Variants in SLC6A14 observed in about 807,000 individuals in gnomAD.
The protein encoded by SLC6A14 is sodium- and chloride-dependent neutral and basic amino acid transporter B(0+).
In SLC6A14, 21 loss-of-function variants were observed where a neutral mutation model predicts 51.4. The observed-to-expected ratio is 0.41, with a 90% CI of 0.29 to 0.59. The LOEUF is 0.59. Among genes scored for constraint, SLC6A14 ranks in the 20% least tolerant of loss-of-function variants. The pLI, the probability that SLC6A14 is intolerant of heterozygous loss-of-function variation, is 0.31. For synonymous variants in SLC6A14, 177 were observed against 160.7 expected (o/e 1.10, Z -0.77); for missense variants, 371 against 472.8 (o/e 0.78, Z 2.00).
intron 7 of SLC6A14, among the ~76,000 whole-genome samples, chrX:116,451,216 A>C (rs1927816463): frequency 9.0e-6 from 1 of 111,308 alleles, no homozygotes; most frequent in African/African-American, 3.3e-5. Context: ...TGAGCACAGA[A>C]GTCAGGATAG....
intron 9 of SLC6A14, 146 bp from the exon 10 acceptor site, chrX:116,454,178 C>T (rs782698114): frequency 9.8e-6 from 4 of 409,810 alleles, no homozygotes; most frequent in South Asian, 4.5e-5. Context: ...AAGAAAAAAC[C>T]CTGTGGGTTT....
In SLC6A14 at chrX:116,436,726, G is replaced by A. The variant is rs1556693308; in HGVS notation, c.17G>A (p.Cys6Tyr). Residue 6 changes from cysteine to tyrosine, a missense_variant, in exon 1 of 14, where the codon TGC becomes TAC. By Grantham distance (194) the Cys-to-Tyr change is radical. Transcript: ENST00000598581. ...GAGTGAACCATGGACAAGTTGAAAT[G>A]CCCGAGTTTCTTCAAGTGCAGGGAG... is the stretch of plus-strand genomic sequence containing the variant. MDKLKCPSFFKCREKE... is the reference protein window; with the variant it reads MDKLKYPSFFKCREKE... 4 of 1,165,781 alleles carry A rather than the reference G, an allele frequency of 3.4e-6. No homozygotes were observed. Among genetic ancestry groups the A allele is most frequent in the Admixed American group, 2.6e-5 (1 of 38,618 alleles).
chrX:116,446,950 G>A, intron 7 of SLC6A14, 69 bp downstream of exon 7: 2 of 928,768 alleles, frequency 2.2e-6, no homozygotes, highest in Admixed American at 2.3e-5. Flanking sequence ...AAACATCTTT[G>A]GTTCCATATG....
At chrX:116,454,888 A>G (rs1187904826) in intron 10 of SLC6A14, 89 bp from the exon 11 acceptor site, 3 of 676,971 alleles carry the variant, frequency 4.4e-6, no homozygotes, top group Non-Finnish European at 6.8e-6. Flanking sequence ...GCATATGTCA[A>G]GATCAAATAA....
chrX:116,452,556 T>G (rs139060121), intron 8 of SLC6A14, among the ~76,000 whole-genome samples: 200 of 111,966 alleles, frequency 1.8e-3, no homozygotes, highest in African/African-American at 6.2e-3. Flanking sequence ...ATGCATATAG[T>G]GATTCTGGGT....
chrX:116,450,663 G>T (rs1927805332), intron 7 of SLC6A14, among the ~76,000 whole-genome samples: 1 of 112,064 alleles, frequency 8.9e-6, no homozygotes, highest in African/African-American at 3.2e-5. Context: ...AAGGCCAGGC[G>T]CGGTTGCTCA....
intron 13 of SLC6A14, among the ~76,000 whole-genome samples, chrX:116,458,365 T>A (rs1602516572): frequency 2.7e-5 from 3 of 111,513 alleles, no homozygotes; most frequent in East Asian, 5.6e-4. Flanking sequence ...CATACAACAA[T>A]GGATCCAAAT....
intron 1 of SLC6A14, among the ~76,000 whole-genome samples, chrX:116,437,310 T>TTC (rs1306721370): frequency 9.0e-6 from 1 of 111,447 alleles, no homozygotes; most frequent in Non-Finnish European, 1.9e-5. Flanking sequence ...AGATTCTCGT[T>TTC]TTTTTTTCCA....
intron 8 of SLC6A14, 114 bp downstream of exon 8, chrX:116,451,784 T>A (rs1194393619): frequency 2.2e-6 from 1 of 446,621 alleles, no homozygotes; most frequent in Non-Finnish European, 3.7e-6. Context: ...AATATTGAAT[T>A]TTCTTCCTCA....
At chrX:116,444,334 CCACTGTTAAT>C (rs1556693855) in intron 5 of SLC6A14, among the ~76,000 whole-genome samples, 1 of 111,601 alleles carries the variant, frequency 9.0e-6, no homozygotes, top group East Asian at 2.8e-4. Flanking sequence ...TCTTCTTCAT[CCACTGTTAAT>C]GACCTTTGTA....
chrX:116,447,096 T>C (rs1281108664), intron 7 of SLC6A14, among the ~76,000 whole-genome samples: 7 of 111,577 alleles, frequency 6.3e-5, no homozygotes, highest in Non-Finnish European at 9.4e-5. Flanking sequence ...TTTTTAGAAA[T>C]AGGATTTTTA....
At position 116,442,684 on chromosome X, in the gene SLC6A14, C is replaced by A; in HGVS notation, c.347-3C>A. On this transcript the variant is annotated splice_region_variant and splice_polypyrimidine_tract_variant and intron_variant, in intron 3 of 13. Coordinates refer to ENST00000598581, the MANE Select transcript of SLC6A14 (RefSeq NM_007231.5). The stretch of plus-strand genomic sequence containing the variant: ...TTTATTTTAATTGTTCTTTTTTTTC[C>A]AGGTGTGGGAATTACAATGGTCCTG... 9.3e-7 allele frequency: 1 copy of A among 1,070,480 alleles called. No individual in the cohort carries two copies. Among genetic ancestry groups the A allele is most frequent in the Non-Finnish European group, 1.2e-6 (1 of 823,333 alleles). The allele number at this position is 1,070,480 out of a possible 1,213,427, so 88.2% of individuals were successfully genotyped here. A position where few individuals can be genotyped will look rare whatever the true frequency, so the allele number is the denominator to read the frequency against.
At chrX:116,453,725 C>G (rs1927869220) in intron 9 of SLC6A14, among the ~76,000 whole-genome samples, 1 of 111,137 alleles carries the variant, frequency 9.0e-6, no homozygotes, top group African/African-American at 3.3e-5. Context: ...GCACATACTT[C>G]TATGCACACG....
intron 7 of SLC6A14, 78 bp downstream of exon 7, chrX:116,446,959 T>C: frequency 1.1e-6 from 1 of 876,492 alleles, no homozygotes. Flanking sequence ...TGGTTCCATA[T>C]GAATATCATA....
intron 12 of SLC6A14, among the ~76,000 whole-genome samples, chrX:116,455,781 A>T (rs1355189705): frequency 3.6e-5 from 4 of 111,663 alleles, no homozygotes; most frequent in Admixed American, 9.5e-5. Flanking sequence ...TCCCTAAAAA[A>T]ATATGTTGAG....
intron 3 of SLC6A14, among the ~76,000 whole-genome samples, chrX:116,441,950 G>A (rs1927606018): frequency 8.9e-6 from 1 of 111,977 alleles, no homozygotes; most frequent in African/African-American, 3.2e-5. Context: ...TTGATTTATA[G>A]ATGAATATTG....
At chrX:116,445,221 T>G (rs1195009346) in intron 6 of SLC6A14, among the ~76,000 whole-genome samples, 171 bp downstream of exon 6, 4 of 110,604 alleles carry the variant, frequency 3.6e-5, no homozygotes. Context: ...AGGATCTCTG[T>G]TATTGCTAAA....
At position 116,436,657 on chromosome X, in the gene SLC6A14, G is replaced by A. The variant is rs1927486736; in HGVS notation, c.-53G>A. 8.8e-7 allele frequency: 1 copy of A among 1,140,596 alleles called. No homozygotes were observed. Among genetic ancestry groups the A allele is most frequent in the East Asian group, 3.3e-5 (1 of 30,567 alleles). 94.0% of individuals were successfully genotyped at this position (1,140,596 alleles called of 1,213,427 possible). A position where few individuals can be genotyped will look rare whatever the true frequency, so the allele number is the denominator to read the frequency against. On this transcript the variant is annotated 5_prime_UTR_variant, in exon 1 of 14. Transcript: ENST00000598581. ...GGAGAGTGCACCTGCTACCAGTCAAGCTCAGCCAGACTGCAAGAGGAGGCG... is the reference window on the plus strand; with the variant it reads ...GGAGAGTGCACCTGCTACCAGTCAAACTCAGCCAGACTGCAAGAGGAGGCG...
At chrX:116,440,707 G>T (rs781913215) in intron 2 of SLC6A14, among the ~76,000 whole-genome samples, 8 of 111,507 alleles carry the variant, frequency 7.2e-5, no homozygotes, top group Non-Finnish European at 1.3e-4. Context: ...AATTCCTCTG[G>T]CTTACTTTCT....
Sources: allele counts gnomAD v4.1 joint callset (sites outside exome capture counted in the v4.1 genomes callset), GRCh38; gene constraint gnomAD v4.1.1; transcripts MANE v1.5; gene names NCBI Gene and HGNC (gene_info 2026-07-23, HGNC 2026-07-21).